SNX4: variants seen among roughly 807,000 people sequenced by gnomAD.
The protein encoded by SNX4 is sorting nexin-4.
In SNX4, 49 loss-of-function variants were observed where a neutral mutation model predicts 70.8. The observed-to-expected ratio is 0.69, with a 90% CI of 0.55 to 0.88. The LOEUF is 0.88. Ranked by LOEUF, SNX4 falls within the 40% of genes least tolerant of loss-of-function variation. SNX4 has a pLI of 0.00. For missense variants in SNX4, 528 were observed against 544.8 expected (o/e 0.97, Z 0.31); for synonymous variants, 206 against 183.8 (o/e 1.12, Z -0.98).
At chr3:125,463,228 C>G (rs1285409862) in intron 9 of SNX4, among the ~76,000 whole-genome samples, 1 of 152,134 alleles carries the variant, frequency 6.6e-6, no homozygotes, top group East Asian at 1.9e-4. Flanking sequence ...TACAAACTTA[C>G]AGCTATGAGA....
intron 1 of SNX4, among the ~76,000 whole-genome samples, chr3:125,506,705 GC>G (rs1319827526): frequency 9.9e-5 from 15 of 150,832 alleles, no homozygotes; most frequent in Non-Finnish European, 1.6e-4. Context: ...ACCTGCCTCA[GC>G]CTTCCAAGCT....
rs918019009 is a variant in SNX4, at chr3:125,518,295, C to CA, written c.141+1736dup. On this transcript the variant is annotated intron_variant, in intron 1 of 13. Coordinates refer to ENST00000251775, the MANE Select transcript of SNX4 (RefSeq NM_003794.4). ...GCAACACAGAGATACCTCATCTTTACAAAAAAAACCCCAAAACTTAGCCAG... is the reference window on the plus strand; with the variant it reads ...GCAACACAGAGATACCTCATCTTTACAAAAAAAAACCCCAAAACTTAGCCAG... Among the ~76,000 whole-genome samples the CA allele has an allele frequency of 5.0e-4, 75 of 151,142 alleles. 1 individual carries two copies. Among genetic ancestry groups the CA allele is most frequent in the Admixed American group, 4.0e-4 (6 of 15,152 alleles).
intron 6 of SNX4, among the ~76,000 whole-genome samples, chr3:125,486,925 A>T (rs1227060222): frequency 6.6e-6 from 1 of 152,158 alleles, no homozygotes; most frequent in Non-Finnish European, 1.5e-5. Context: ...ATATATGTAT[A>T]TGCAATCCAA....
intron 8 of SNX4, 114 bp from the exon 9 acceptor site, chr3:125,469,633 C>G (rs547377977): frequency 1.4e-6 from 1 of 698,570 alleles, no homozygotes; most frequent in Non-Finnish European, 2.5e-6. Context: ...GTATAGCACC[C>G]GTATTTGGGT....
chr3:125,471,793 T>C (rs1343488736), intron 8 of SNX4, among the ~76,000 whole-genome samples: 1 of 152,190 alleles, frequency 6.6e-6, no homozygotes, highest in African/African-American at 2.4e-5. Context: ...CACAGGTGGA[T>C]CTGAAAGTTC....
At chr3:125,496,120 T>C (rs139321251) in intron 5 of SNX4, among the ~76,000 whole-genome samples, 41 of 152,204 alleles carry the variant, frequency 2.7e-4, no homozygotes, top group African/African-American at 8.7e-4. Flanking sequence ...TGAGACCTCA[T>C]CTCTACAAAA....
chr3:125,506,344 CTTTT>C (rs552693772), intron 1 of SNX4, among the ~76,000 whole-genome samples: 2 of 137,716 alleles, frequency 1.5e-5, no homozygotes, highest in Non-Finnish European at 1.6e-5. Flanking sequence ...TTTTTCATTT[CTTTT>C]TTTTTTTTTT....
At chr3:125,518,046 GT>G (rs1337403633) in intron 1 of SNX4, among the ~76,000 whole-genome samples, 7 of 152,226 alleles carry the variant, frequency 4.6e-5, no homozygotes, top group Non-Finnish European at 1.0e-4. Context: ...GCATCCCTGG[GT>G]TTTCAAATAT....
At position 125,453,903 on chromosome 3, in the gene SNX4, T is replaced by C. The variant is rs1933643196; in HGVS notation, c.1097A>G (p.Glu366Gly). 1.2e-6 allele frequency: 2 copies of C among 1,614,062 alleles called. No homozygotes were observed. The highest frequency in any genetic ancestry group is 1.7e-6 in the Non-Finnish European group (2 of 1,179,960). Reference sequence around the variant, plus strand: ...TCTGGCTTCTCTCTGCTCTGGAGTTTCTTGACCAAAGAGCTTGGTAGTCAT... The same window carrying C: ...TCTGGCTTCTCTCTGCTCTGGAGTTCCTTGACCAAAGAGCTTGGTAGTCAT... ...KGMTTKLFGQ[E>G]TPEQREARIK... The change falls in exon 12 of 14, where the codon GAA becomes GGA. Residue 366 changes from glutamate to glycine, a missense_variant. Physicochemically the swap from Glu to Gly is moderately conservative, Grantham distance 98. This residue lies in a region of SNX4 where 159 missense variants were observed against 172.6 expected (regional missense o/e 0.92). Transcript: ENST00000251775.
rs906860033 is a variant in SNX4, at chr3:125,520,135, T to C, written c.38A>G (p.Gln13Arg). 18 of 1,448,156 alleles carry C rather than the reference T, an allele frequency of 1.2e-5. No homozygotes were observed. Among genetic ancestry groups the C allele is most frequent in the African/African-American group, 1.5e-5 (1 of 66,030 alleles). 89.7% of individuals were successfully genotyped at this position (1,448,156 alleles called of 1,614,324 possible). ...QAPPDPERQL[Q>R]PAPLEPLGSP... is the part of the protein sequence containing the mutation. Reference sequence around the variant, plus strand: ...GCCCAGCGGCTCCAAGGGCGCCGGCTGGAGCTGCCGCTCGGGGTCCGGAGG... The same window carrying C: ...GCCCAGCGGCTCCAAGGGCGCCGGCCGGAGCTGCCGCTCGGGGTCCGGAGG... The change falls in exon 1 of 14, where the codon CAG becomes CGG. Residue 13 changes from glutamine (Q) to arginine (R), a missense_variant. By Grantham distance (43) the Gln-to-Arg change is conservative (BLOSUM62 1). Transcript: ENST00000251775.
intron 1 of SNX4, among the ~76,000 whole-genome samples, chr3:125,512,210 T>C (rs1041088227): frequency 6.6e-6 from 1 of 152,162 alleles, no homozygotes; most frequent in African/African-American, 2.4e-5. Context: ...CACATACATA[T>C]ATACATGTAT....
chr3:125,486,995 C>A (rs552641085), intron 6 of SNX4, among the ~76,000 whole-genome samples: 2 of 152,074 alleles, frequency 1.3e-5, no homozygotes, highest in Non-Finnish European at 2.9e-5. Flanking sequence ...AGACTCCAGG[C>A]CCTCCCACTC....
chr3:125,451,237 T>A (rs1040171243), intron 13 of SNX4, 68 bp downstream of exon 13: 1 of 931,438 alleles, frequency 1.1e-6, no homozygotes, highest in Non-Finnish European at 1.6e-6. Flanking sequence ...TTTGGTCAGG[T>A]AATTTAAATA....
chr3:125,495,911 G>A (rs76874097), intron 5 of SNX4, among the ~76,000 whole-genome samples: 7,326 of 152,122 alleles, frequency 0.048, 415 homozygotes, highest in African/African-American at 0.13. Flanking sequence ...AGTTATTTCA[G>A]ATCCATCCCT....
chr3:125,519,524 A>C (rs546405100), intron 1 of SNX4, among the ~76,000 whole-genome samples: 1 of 152,006 alleles, frequency 6.6e-6, no homozygotes, highest in Non-Finnish European at 1.5e-5. Context: ...AACCACCCTT[A>C]TTGGCCCTGA....
intron 2 of SNX4, among the ~76,000 whole-genome samples, chr3:125,500,940 C>T (rs1934918638): frequency 7.0e-6 from 1 of 142,882 alleles, no homozygotes; most frequent in East Asian, 2.1e-4. Flanking sequence ...AATTGGACTA[C>T]AGACAGTTGC....
At position 125,454,935 on chromosome 3, in the gene SNX4, C is replaced by CT. The variant is rs919156127; in HGVS notation, c.1045-981dup. Among the ~76,000 whole-genome samples, 76 of 146,412 alleles carry CT rather than the reference C, an allele frequency of 5.2e-4. 1 individual carries two copies. The East Asian group carries it at 7.1e-3, about 14-fold the overall frequency. On this transcript the variant is annotated intron_variant, in intron 11 of 13. Coordinates refer to ENST00000251775, the MANE Select transcript of SNX4 (RefSeq NM_003794.4). ...AAAGAAGACACTTCTAACTGAATTTCTTTTTTTTTTTGAAATGGGGTCTTG... is the reference window on the plus strand; with the variant it reads ...AAAGAAGACACTTCTAACTGAATTTCTTTTTTTTTTTTGAAATGGGGTCTTG...
chr3:125,460,890 T>TAAAC (rs772002196), intron 9 of SNX4, 30 bp from the exon 10 acceptor site: 4 of 1,110,192 alleles, frequency 3.6e-6, no homozygotes, highest in Non-Finnish European at 5.2e-6. Flanking sequence ...ACACATTGCA[T>TAAAC]AGAGTTACTT....
rs1412554968 is a variant in SNX4 at position 125,451,358 on chromosome 3, A to G, written c.1252T>C (p.Leu418=). The change falls in exon 13 of 14, where the codon TTA becomes CTA. Residue 418 remains leucine, a synonymous_variant. Coordinates refer to ENST00000251775, the MANE Select transcript of SNX4 (RefSeq NM_003794.4). ...GCATAGCTTATGAGGGCCTCCTTTAAGTCTCGGTTCTTTTGTTCTTTGAAG... is the reference window on the plus strand; with the variant it reads ...GCATAGCTTATGAGGGCCTCCTTTAGGTCTCGGTTCTTTTGTTCTTTGAAG... ...ERFKEQKNRD[L]KEALISYAVM... 2 of 1,613,836 alleles carry G rather than the reference A, an allele frequency of 1.2e-6. No individual in the cohort carries two copies. The highest frequency in any genetic ancestry group is 1.7e-6 in the Non-Finnish European group (2 of 1,179,938).
Sources: allele counts gnomAD v4.1 joint callset (sites outside exome capture counted in the v4.1 genomes callset), GRCh38; gene constraint gnomAD v4.1.1; regional missense constraint gnomAD v4.1.1; transcripts MANE v1.5; gene names NCBI Gene and HGNC (gene_info 2026-07-23, HGNC 2026-07-21).